Variants in HMCN1 observed in about 807,000 individuals in gnomAD.
HMCN1 encodes the protein hemicentin 1.
In HMCN1, 321 loss-of-function variants were observed where a neutral mutation model predicts 625.9. That is an observed-to-expected ratio of 0.51 (90% CI 0.47 to 0.56). The LOEUF is 0.56. Ranked by LOEUF, HMCN1 falls within the 20% of genes least tolerant of loss-of-function variation. The pLI is 0.00. For missense variants in HMCN1, 6,588 were observed against 6,887.3 expected (o/e 0.96, Z 1.54); for synonymous variants, 2,425 against 2,417.6 (o/e 1.00, Z -0.09).
At chr1:185,776,533 CTT>C (rs1656626112) in intron 1 of HMCN1, among the ~76,000 whole-genome samples, 2 of 151,290 alleles carry the variant, frequency 1.3e-5, no homozygotes, top group Non-Finnish European at 2.9e-5. Context: ...ATACAAATCT[CTT>C]TTTTAGTAAT....
At chr1:185,948,287 G>A (rs1048757783) in intron 11 of HMCN1, among the ~76,000 whole-genome samples, 3 of 152,160 alleles carry the variant, frequency 2.0e-5, no homozygotes, top group Middle Eastern at 3.2e-3. Context: ...TTTCATGCGT[G>A]TCCATGTGAA....
intron 36 of HMCN1, 115 bp downstream of exon 36, chr1:186,023,268 C>T: frequency 4.8e-6 from 4 of 825,506 alleles, no homozygotes; most frequent in Admixed American, 2.7e-5. Context: ...TTTTCTTAGT[C>T]TGTATAAAAA....
At chr1:185,947,296 A>G (rs755047459) in intron 11 of HMCN1, among the ~76,000 whole-genome samples, 3 of 152,048 alleles carry the variant, frequency 2.0e-5, no homozygotes, top group Non-Finnish European at 4.4e-5. Context: ...ACGTTTCACA[A>G]TTGAACACTT....
In HMCN1 at chr1:185,744,980, G is replaced by T. The variant is rs116116257; in HGVS notation, c.268+9933G>T. On this transcript the variant is annotated intron_variant, in intron 1 of 106. Coordinates refer to ENST00000271588, the MANE Select transcript of HMCN1 (RefSeq NM_031935.3). ...GAAACATTGAGGGGACTTGGGTGTA[G>T]AGATAAGGGGATAGATTTCTTTGCT... is the stretch of plus-strand genomic sequence containing the variant. 8.9e-3 allele frequency among the ~76,000 whole-genome samples: 1,359 copies of T among 152,254 alleles called. 28 individuals carry two copies. The highest frequency in any genetic ancestry group is 0.032 in the African/African-American group (1,313 of 41,530).
At chr1:186,140,064 C>T (rs746801285) in intron 89 of HMCN1, among the ~76,000 whole-genome samples, 1 of 152,060 alleles carries the variant, frequency 6.6e-6, no homozygotes, top group African/African-American at 2.4e-5. Flanking sequence ...TTGTGTATTT[C>T]CTGAAACAAG....
At chr1:186,141,089 G>T (rs1571409600) in intron 89 of HMCN1, among the ~76,000 whole-genome samples, 1 of 152,128 alleles carries the variant, frequency 6.6e-6, no homozygotes, top group Non-Finnish European at 1.5e-5. Flanking sequence ...TCAGGCATTA[G>T]ATTCTCATAA....
At chr1:186,123,851 T>C (rs1447808723) in intron 81 of HMCN1, among the ~76,000 whole-genome samples, 2 of 152,150 alleles carry the variant, frequency 1.3e-5, no homozygotes, top group Non-Finnish European at 2.9e-5. Flanking sequence ...GTAATTATTA[T>C]AATGAGGAGT....
chr1:185,776,901 T>C (rs1207484570), intron 1 of HMCN1, among the ~76,000 whole-genome samples: 1 of 152,210 alleles, frequency 6.6e-6, no homozygotes, highest in Non-Finnish European at 1.5e-5. Context: ...ATGAATTACA[T>C]TTTGTTATAT....
chr1:185,816,837 T>C (rs1659875400), intron 1 of HMCN1, among the ~76,000 whole-genome samples: 1 of 152,236 alleles, frequency 6.6e-6, no homozygotes, highest in South Asian at 2.1e-4. Context: ...GCTTCAACTA[T>C]GATTACTGCA....
chr1:185,934,901 G>T (rs2102498689), intron 11 of HMCN1, among the ~76,000 whole-genome samples: 1 of 152,276 alleles, frequency 6.6e-6, no homozygotes, highest in Non-Finnish European at 1.5e-5. Flanking sequence ...GTTGACATCT[G>T]ATTATAGTTT....
intron 10 of HMCN1, among the ~76,000 whole-genome samples, chr1:185,933,342 A>G (rs1667648257): frequency 6.6e-6 from 1 of 152,140 alleles, no homozygotes; most frequent in Non-Finnish European, 1.5e-5. Flanking sequence ...ATCCTTTGGT[A>G]TGTAAATGTG....
chr1:185,832,904 A>G (rs573179873), intron 1 of HMCN1, among the ~76,000 whole-genome samples: 6 of 152,356 alleles, frequency 3.9e-5, no homozygotes, highest in Admixed American at 2.6e-4. Context: ...ACAAATTGGC[A>G]CAAAATAACC....
At chr1:185,892,775 C>T (rs1048117575) in intron 4 of HMCN1, among the ~76,000 whole-genome samples, 2 of 152,162 alleles carry the variant, frequency 1.3e-5, no homozygotes, top group Non-Finnish European at 2.9e-5. Flanking sequence ...TTTGTCTGTG[C>T]CCTGCCCCCA....
rs1212247625 is a variant in HMCN1, at chr1:186,189,751, C to A, written c.16781C>A (p.Thr5594Lys). The change falls in exon 107 of 107, where the codon ACA becomes AAA. Residue 5594 changes from threonine to lysine, a missense_variant. Thr to Lys is a moderately conservative substitution (Grantham distance 78, BLOSUM62 -1). Coordinates refer to ENST00000271588, the MANE Select transcript of HMCN1 (RefSeq NM_031935.3). ...DENLKGVVYT[T>K]RPLREAETYR... is the part of the protein sequence containing the mutation. ...AACCTGAAAGGAGTGGTGTATACAACACGACCACTACGAGAAGCAGAGACC... is the reference window on the plus strand; with the variant it reads ...AACCTGAAAGGAGTGGTGTATACAAAACGACCACTACGAGAAGCAGAGACC... The A allele has an allele frequency of 6.2e-7, 1 of 1,613,570 alleles. No homozygotes were observed. The highest frequency in any genetic ancestry group is 8.5e-7 in the Non-Finnish European group (1 of 1,179,834).
chr1:186,152,914 A>G (rs748770014), intron 96 of HMCN1, 43 bp downstream of exon 96: 1 of 1,610,704 alleles, frequency 6.2e-7, no homozygotes, highest in Non-Finnish European at 8.5e-7. Flanking sequence ...TATTAGAGTA[A>G]TGATGAGTGA....
intron 29 of HMCN1, among the ~76,000 whole-genome samples, chr1:186,005,361 AT>A (rs1205354134): frequency 9.0e-5 from 13 of 143,934 alleles, no homozygotes; most frequent in Non-Finnish European, 1.6e-4. Flanking sequence ...TTTATAAACA[AT>A]TTTTTAATTG....
intron 11 of HMCN1, among the ~76,000 whole-genome samples, chr1:185,956,083 CATATT>C (rs1337596442): frequency 1.3e-5 from 2 of 152,146 alleles, no homozygotes; most frequent in East Asian, 1.9e-4. Flanking sequence ...CATTATTAAT[CATATT>C]ATATATACAC....
intron 28 of HMCN1, among the ~76,000 whole-genome samples, chr1:186,003,229 A>G (rs1653315094): frequency 6.6e-6 from 1 of 152,174 alleles, no homozygotes; most frequent in South Asian, 2.1e-4. Context: ...TCCTGAGAAT[A>G]AAAACTAGCA....
chr1:185,768,495 AAG>A (rs748192722), intron 1 of HMCN1, among the ~76,000 whole-genome samples: 2 of 152,236 alleles, frequency 1.3e-5, no homozygotes, highest in Non-Finnish European at 2.9e-5. Flanking sequence ...CTGAATGATC[AAG>A]AGAGTGCATA....
Sources: gnomAD v4.1 joint callset for allele counts (sites outside exome capture counted in the v4.1 genomes callset) on GRCh38, gnomAD v4.1.1 for gene constraint, MANE v1.5 for transcripts, NCBI Gene and HGNC (gene_info 2026-07-23, HGNC 2026-07-21) for gene names.